The following MECOM variants were observed in gnomAD, a reference collection of about 807,000 sequenced individuals.
MECOM encodes MDS1 and EVI1 complex locus, also known as histone-lysine N-methyltransferase MECOM.
MECOM carries 13 observed loss-of-function variants against 116.3 expected under a neutral mutation model. That is an observed-to-expected ratio of 0.11 (90% confidence interval 0.07 to 0.18). The LOEUF is 0.18. Among genes scored for constraint, MECOM ranks in the 10% least tolerant of loss-of-function variants. The pLI, the probability that MECOM is intolerant of heterozygous loss-of-function variation, is 1.00. For missense variants in MECOM, 1,299 were observed against 1,509.0 expected, an observed-to-expected ratio of 0.86 and a Z score of 2.31; for synonymous variants, 528 against 535.2, an observed-to-expected ratio of 0.99 and a Z score of 0.19.
intron 1 of MECOM, among the ~76,000 whole-genome samples, chr3:169,450,023 G>A (rs1456610484): frequency 4.6e-5 from 7 of 152,114 alleles, no homozygotes; most frequent in Non-Finnish European, 8.8e-5. Context: ...TTTCTTTTAT[G>A]TCTGAAGGTT....
intron 1 of MECOM, chr3:169,615,005 G>A (rs1045416225): frequency 2.0e-5 from 3 of 152,214 alleles, no homozygotes; most frequent in Non-Finnish European, 4.4e-5. Flanking sequence ...AAAATGGGGG[G>A]TTAATAATCA....
At chr3:169,085,153 C>G in intron 16 of MECOM, 110 bp from the exon 17 acceptor site, 3 of 1,329,060 alleles carry the variant, frequency 2.3e-6, no homozygotes, top group Non-Finnish European at 3.2e-6. Flanking sequence ...GTAGGGGCAT[C>G]CTTCATGGGT....
intron 1 of MECOM, among the ~76,000 whole-genome samples, chr3:169,641,437 T>C (rs1773477852): frequency 6.6e-6 from 1 of 152,180 alleles, no homozygotes; most frequent in African/African-American, 2.4e-5. Context: ...GGCTCTGGCT[T>C]CTGTGCAATG....
At chr3:169,575,936 C>A (rs1455069293) in intron 1 of MECOM, among the ~76,000 whole-genome samples, 6 of 152,076 alleles carry the variant, frequency 3.9e-5, no homozygotes, top group Non-Finnish European at 8.8e-5. Flanking sequence ...CGTACAAATT[C>A]ACTGATACAC....
intron 2 of MECOM, among the ~76,000 whole-genome samples, chr3:169,299,490 T>C (rs1022340146): frequency 6.6e-6 from 1 of 152,150 alleles, no homozygotes; most frequent in Non-Finnish European, 1.5e-5. Flanking sequence ...TGGGTTTGAG[T>C]CGCCATTGTA....
At chr3:169,342,176 A>G (rs1724661316) in intron 2 of MECOM, among the ~76,000 whole-genome samples, 1 of 152,126 alleles carries the variant, frequency 6.6e-6, no homozygotes. Context: ...TATATTACAT[A>G]TTCAGCAATT....
At chr3:169,358,208 C>A (rs1727598173) in intron 2 of MECOM, among the ~76,000 whole-genome samples, 1 of 151,640 alleles carries the variant, frequency 6.6e-6, no homozygotes, top group African/African-American at 2.4e-5. Flanking sequence ...GATGTAATGT[C>A]ATTTGCTTGA....
At chr3:169,356,206 C>A (rs1012107959) in intron 2 of MECOM, among the ~76,000 whole-genome samples, 1 of 151,606 alleles carries the variant, frequency 6.6e-6, no homozygotes, top group African/African-American at 2.4e-5. Context: ...TAGAACAAAT[C>A]AAAAGAAAAA....
intron 2 of MECOM, among the ~76,000 whole-genome samples, chr3:169,273,113 A>T (rs1759149940): frequency 6.6e-6 from 1 of 152,202 alleles, no homozygotes; most frequent in South Asian, 2.1e-4. Context: ...AGAGGAATGC[A>T]TGCATGAGTT....
At chr3:169,166,457 T>G (rs1468710185) in intron 2 of MECOM, among the ~76,000 whole-genome samples, 1 of 152,200 alleles carries the variant, frequency 6.6e-6, no homozygotes, top group Non-Finnish European at 1.5e-5. Flanking sequence ...ATTTTTAAAT[T>G]ATTTTCAAAT....
At chr3:169,215,695 G>C (rs1430189186) in intron 2 of MECOM, among the ~76,000 whole-genome samples, 1 of 152,146 alleles carries the variant, frequency 6.6e-6, no homozygotes, top group East Asian at 1.9e-4. Flanking sequence ...TATTACAAAA[G>C]AACAATAGAT....
intron 2 of MECOM, among the ~76,000 whole-genome samples, chr3:169,191,723 AGAAAGAAAGAAAGAAAG>A (rs1336969000): frequency 2.2e-5 from 1 of 45,330 alleles, no homozygotes; most frequent in Admixed American, 2.9e-4. Context: ...AAAGAAAAAA[AGAAAGAAAGAAAGAAAG>A]AGAAAGAAAG....
At chr3:169,602,722 A>C (rs996875368) in intron 1 of MECOM, among the ~76,000 whole-genome samples, 2 of 152,226 alleles carry the variant, frequency 1.3e-5, no homozygotes, top group Non-Finnish European at 2.9e-5. Flanking sequence ...AGAAAAAATA[A>C]ATAACATTTA....
chr3:169,338,643 A>G (rs1723983861), intron 2 of MECOM, among the ~76,000 whole-genome samples: 1 of 147,198 alleles, frequency 6.8e-6, no homozygotes, highest in Non-Finnish European at 1.5e-5. Flanking sequence ...TGGGAAGCAT[A>G]GAAGCTGCAA....
At chr3:169,399,303 T>A (rs1300878432) in intron 1 of MECOM, among the ~76,000 whole-genome samples, 1 of 152,186 alleles carries the variant, frequency 6.6e-6, no homozygotes, top group African/African-American at 2.4e-5. Flanking sequence ...AAAGCTGTAC[T>A]TTGTACCTCA....
chr3:169,448,039 A>G (rs1405141269), intron 1 of MECOM: 1 of 152,262 alleles, frequency 6.6e-6, no homozygotes, highest in African/African-American at 2.4e-5. Flanking sequence ...ATTCAACTGG[A>G]AACTGCTATG....
chr3:169,382,879 A>AAAAAAAAAAAAAAAAAG (rs1358767356), intron 1 of MECOM, among the ~76,000 whole-genome samples: 7 of 138,548 alleles, frequency 5.1e-5, no homozygotes, highest in East Asian at 2.4e-4. Flanking sequence ...AAAAATAAAA[A>AAAAAAAAAAAAAAAAAG]AAGAAGGTAA....
intron 1 of MECOM, among the ~76,000 whole-genome samples, chr3:169,651,073 T>C (rs1774845200): frequency 6.6e-6 from 1 of 152,200 alleles, no homozygotes; most frequent in African/African-American, 2.4e-5. Flanking sequence ...GTGGGCATCA[T>C]TGTCTTGTTC....
rs71627300 is a variant in MECOM, at chr3:169,263,127, A to G, written c.375+118060T>C. ...TATATATATATATATATATATATAT[A>G]TGTTTTTTTTTTTTTTTTTGAGACA... On this transcript the variant is annotated intron_variant, in intron 2 of 16. Transcript: ENST00000651503. Among the ~76,000 whole-genome samples the G allele has an allele frequency of 7.6e-3, 149 of 19,576 alleles. 3 individuals are homozygous for G. Among genetic ancestry groups the G allele is most frequent in the Non-Finnish European group, 9.0e-3 (97 of 10,776 alleles). 12.8% of individuals were successfully genotyped at this position (19,576 alleles called of 152,430 possible). A position where few individuals can be genotyped will look rare whatever the true frequency, so the allele number is the denominator to read the frequency against.
Sources: gnomAD v4.1 joint callset for allele counts (sites outside exome capture counted in the v4.1 genomes callset) on GRCh38, gnomAD v4.1.1 for gene constraint, MANE v1.5 for transcripts, NCBI Gene and HGNC (gene_info 2026-07-23, HGNC 2026-07-21) for gene names.